DNAI1: variants seen among roughly 807,000 people sequenced by gnomAD.
DNAI1 encodes the protein dynein, axonemal, intermediate polypeptide 1.
Under a neutral mutation model 92.0 loss-of-function variants are expected in DNAI1, and 67 were observed. The ratio of observed to expected loss-of-function variants is 0.73; its 90% CI spans 0.60 to 0.89. The LOEUF (loss-of-function observed/expected upper bound fraction) is 0.89, where lower values mean the gene tolerates loss of function less well. DNAI1 is among the 40% of genes least tolerant of loss of function. The pLI is 0.00. For missense variants in DNAI1, 839 were observed against 866.6 expected (o/e 0.97, Z 0.40); for synonymous variants, 323 against 319.6 (o/e 1.01, Z -0.11).
At chr9:34,492,490 G>GAA (rs1824621747) in intron 8 of DNAI1, among the ~76,000 whole-genome samples, 1 of 44,232 alleles carries the variant, frequency 2.3e-5, no homozygotes, top group Non-Finnish European at 5.1e-5. Flanking sequence ...GTGGGGATAT[G>GAA]AAGATATATA....
intron 10 of DNAI1, 86 bp from the exon 11 acceptor site, chr9:34,500,636 C>T: frequency 1.2e-6 from 1 of 864,148 alleles, no homozygotes; most frequent in East Asian, 2.6e-5. Context: ...ATTGTTTTGC[C>T]CAAGGAGGTA....
In DNAI1 at chr9:34,509,084, C is replaced by T. The variant is rs529186033; in HGVS notation, c.1311+2210C>T. ...GGAGTTCCTACTGGGGAGATAACCA[C>T]AGCCACAGACTGACCAGGGCAGGGC... On this transcript the variant is annotated intron_variant, in intron 13 of 19. Transcript: ENST00000242317. Among the ~76,000 whole-genome samples the T allele has an allele frequency of 7.9e-5, 12 of 152,284 alleles. No homozygotes were observed. In the South Asian group the frequency reaches 2.5e-3, roughly 32 times the overall value.
At position 34,482,930 on chromosome 9, in the gene DNAI1, G is replaced by A. The variant is rs535692622; in HGVS notation, c.49-518G>A. On this transcript the variant is annotated intron_variant, in intron 1 of 19. Transcript: ENST00000242317. The stretch of plus-strand genomic sequence containing the variant: ...CCCCGTGGGAAGGCAGCTAAGGCCC[G>A]GCGAGAAATCGAGCGCAGTGCTGGT... Among the ~76,000 whole-genome samples, 4 of 152,334 alleles carry A rather than the reference G, an allele frequency of 2.6e-5. No individual in the cohort carries two copies. The East Asian group carries it at 5.8e-4, about 22-fold the overall frequency.
At chr9:34,479,540 A>G (rs1408005540) in intron 1 of DNAI1, among the ~76,000 whole-genome samples, 27 of 152,144 alleles carry the variant, frequency 1.8e-4, no homozygotes, top group Admixed American at 1.8e-3. Context: ...CAGTTCTTTT[A>G]TTGCCAGATA....
chr9:34,503,981 T>G (rs148690490), intron 12 of DNAI1, among the ~76,000 whole-genome samples: 1 of 152,290 alleles, frequency 6.6e-6, no homozygotes, highest in African/African-American at 2.4e-5. Flanking sequence ...TTCCAGCCCA[T>G]TAGCCAATTC....
intron 10 of DNAI1, among the ~76,000 whole-genome samples, chr9:34,499,373 C>T (rs1418330141): frequency 6.6e-6 from 1 of 152,212 alleles, no homozygotes; most frequent in Non-Finnish European, 1.5e-5. Context: ...TAATTGGTCA[C>T]CCTTTGTCTA....
chr9:34,513,291 C>G, intron 16 of DNAI1, 100 bp downstream of exon 16: 1 of 957,394 alleles, frequency 1.0e-6, no homozygotes, highest in Non-Finnish European at 1.7e-6. Flanking sequence ...GATTTTAGTT[C>G]CCGTCAGTTC....
chr9:34,474,053 C>T (rs777759294), intron 1 of DNAI1, among the ~76,000 whole-genome samples: 34 of 151,988 alleles, frequency 2.2e-4, no homozygotes, highest in Middle Eastern at 3.4e-3. Context: ...TACTATTGTA[C>T]GATAGTTATT....
chr9:34,459,012 C>T lies in DNAI1; in HGVS notation c.7C>T (p.Pro3Ser). The T allele has an allele frequency of 4.3e-6, 7 of 1,614,170 alleles. No homozygotes were observed. In the South Asian group the frequency reaches 7.7e-5, roughly 18 times the overall value. Reference sequence around the variant, plus strand: ...AGGCTCTCCAGGGGTTGAGATGATTCCTGCTTCTGCGAAGGCTCCCCATAA... The same window carrying T: ...AGGCTCTCCAGGGGTTGAGATGATTTCTGCTTCTGCGAAGGCTCCCCATAA... MIPASAKAPHKQP... is the reference protein window; with the variant it reads MISASAKAPHKQP... The change falls in exon 1 of 20, where the codon CCT becomes TCT. Residue 3 changes from proline to serine, a missense_variant. Transcript: ENST00000242317.
intron 9 of DNAI1, among the ~76,000 whole-genome samples, chr9:34,495,855 A>G (rs1440805730): frequency 6.6e-6 from 1 of 152,126 alleles, no homozygotes; most frequent in Admixed American, 6.5e-5. Flanking sequence ...GAGAATAGAG[A>G]GCGTAGCTGG....
intron 18 of DNAI1, 52 bp from the exon 19 acceptor site, chr9:34,517,233 T>C (rs1337966857): frequency 6.3e-7 from 1 of 1,590,600 alleles, no homozygotes; most frequent in African/African-American, 1.3e-5. Context: ...TCCTCTGAGG[T>C]GGAAGACAGG....
chr9:34,493,487 G>T (rs1206035359), intron 9 of DNAI1, among the ~76,000 whole-genome samples, 159 bp downstream of exon 9: 4 of 152,196 alleles, frequency 2.6e-5, no homozygotes, highest in Non-Finnish European at 4.4e-5. Flanking sequence ...GAAGATGTGA[G>T]GAGAGCTACA....
At chr9:34,468,392 T>C (rs1824078336) in intron 1 of DNAI1, among the ~76,000 whole-genome samples, 1 of 151,298 alleles carries the variant, frequency 6.6e-6, no homozygotes, top group African/African-American at 2.4e-5. Flanking sequence ...GGTTTCACCA[T>C]GTTAGCCAGG....
At chr9:34,482,604 G>T (rs941143697) in intron 1 of DNAI1, among the ~76,000 whole-genome samples, 1 of 152,128 alleles carries the variant, frequency 6.6e-6, no homozygotes, top group Non-Finnish European at 1.5e-5. Flanking sequence ...CAAACCTTGA[G>T]CTAAACACAG....
intron 12 of DNAI1, among the ~76,000 whole-genome samples, chr9:34,504,783 T>C (rs1295931374): frequency 6.6e-6 from 1 of 152,240 alleles, no homozygotes; most frequent in Non-Finnish European, 1.5e-5. Context: ...TAGCAACTGA[T>C]AACCTTCTTT....
Position 34,489,329 on chromosome 9 carries a change from A to G in DNAI1, c.268A>G (p.Thr90Ala). The change falls in exon 5 of 20, where the codon ACA becomes GCA. Residue 90 changes from threonine (T) to alanine (A), a missense_variant. By Grantham distance (58) the Thr-to-Ala change is moderately conservative. Coordinates refer to ENST00000242317, the MANE Select transcript of DNAI1 (RefSeq NM_012144.4). ...TCAGCCCCTCTCTTCTTAGGAAGGC[A>G]CATATAAGCCTATTGGCTTTGTGAA... ...NIVRYSFKEG[T>A]YKPIGFVNQL... The G allele has an allele frequency of 6.2e-7, 1 of 1,614,068 alleles. No homozygotes were observed.
chr9:34,481,553 C>T (rs1034118336), intron 1 of DNAI1, among the ~76,000 whole-genome samples: 35 of 152,180 alleles, frequency 2.3e-4, no homozygotes, highest in African/African-American at 6.5e-4. Context: ...AGAATGAAGC[C>T]GCGGACCCTC....
At chr9:34,484,350 G>T (rs948916397) in intron 2 of DNAI1, among the ~76,000 whole-genome samples, 1 of 152,176 alleles carries the variant, frequency 6.6e-6, no homozygotes, top group South Asian at 2.1e-4. Flanking sequence ...TTGGGTAAAA[G>T]AGTATAAACA....
At chr9:34,499,834 T>C in intron 10 of DNAI1, among the ~76,000 whole-genome samples, 1 of 152,094 alleles carries the variant, frequency 6.6e-6, no homozygotes, top group Non-Finnish European at 1.5e-5. Context: ...CTCCTCTTGG[T>C]TTAATCTCCT....
Sources: allele counts gnomAD v4.1 joint callset (sites outside exome capture counted in the v4.1 genomes callset), GRCh38; gene constraint gnomAD v4.1.1; transcripts MANE v1.5; gene names NCBI Gene and HGNC (gene_info 2026-07-23, HGNC 2026-07-21).